The following ROBO2 variants were observed in gnomAD, a reference collection of about 807,000 sequenced individuals.
ROBO2 encodes the protein roundabout homolog 2.
In ROBO2, 53 loss-of-function variants were observed where a neutral mutation model predicts 160.8. The observed-to-expected ratio is 0.33, with a 90% CI of 0.26 to 0.41. ROBO2 has a LOEUF of 0.41. Ranked by LOEUF, ROBO2 falls within the 10% of genes least tolerant of loss-of-function variation. The pLI is 1.00. For synonymous variants in ROBO2, 664 were observed against 611.7 expected, an observed-to-expected ratio of 1.09 and a Z score of -1.26; for missense variants, 1,577 against 1,722.4, an observed-to-expected ratio of 0.92 and a Z score of 1.49.
chr3:76,701,617 C>T (rs1329971097), intron 2 of ROBO2, among the ~76,000 whole-genome samples: 6 of 151,932 alleles, frequency 3.9e-5, no homozygotes, highest in Non-Finnish European at 8.8e-5. Context: ...ATTTCATTGT[C>T]CATTTTCTGT....
chr3:76,593,109 C>T (rs1021320651), intron 2 of ROBO2, among the ~76,000 whole-genome samples: 1 of 152,014 alleles, frequency 6.6e-6, no homozygotes, highest in African/African-American at 2.4e-5. Flanking sequence ...GTGAAACTAC[C>T]ATGTACCATT....
intron 2 of ROBO2, among the ~76,000 whole-genome samples, chr3:76,395,005 C>A (rs992640726): frequency 2.6e-5 from 4 of 152,164 alleles, no homozygotes; most frequent in African/African-American, 9.7e-5. Context: ...CTCTCCACCC[C>A]AAATCAACAG....
intron 2 of ROBO2, among the ~76,000 whole-genome samples, chr3:76,429,754 A>G (rs1435751305): frequency 6.6e-6 from 1 of 152,148 alleles, no homozygotes; most frequent in Non-Finnish European, 1.5e-5. Context: ...AGTAAATATG[A>G]CTATAAATCA....
At chr3:77,132,387 T>G (rs919395707) in intron 2 of ROBO2, among the ~76,000 whole-genome samples, 8 of 67,032 alleles carry the variant, frequency 1.2e-4, no homozygotes, top group Non-Finnish European at 3.0e-4. Flanking sequence ...TTAATATGGG[T>G]TTTTTTTGGT....
intron 2 of ROBO2, among the ~76,000 whole-genome samples, chr3:76,457,209 T>A (rs180866397): frequency 6.6e-6 from 1 of 152,272 alleles, no homozygotes; most frequent in East Asian, 1.9e-4. Context: ...CCCTTCTGCC[T>A]ATGAGCCTGT....
intron 2 of ROBO2, among the ~76,000 whole-genome samples, chr3:76,726,810 G>A (rs372430867): frequency 1.7e-4 from 26 of 152,136 alleles, no homozygotes; most frequent in African/African-American, 6.0e-4. Flanking sequence ...AAGGAATGAA[G>A]GAATGAATTC....
At chr3:76,266,654 A>G (rs958083288) in intron 2 of ROBO2, among the ~76,000 whole-genome samples, 1 of 152,108 alleles carries the variant, frequency 6.6e-6, no homozygotes, top group African/African-American at 2.4e-5. Context: ...TCTGAAAGAA[A>G]CGAAGCACAA....
At chr3:76,836,900 G>T (rs1402071841) in intron 2 of ROBO2, among the ~76,000 whole-genome samples, 1 of 151,654 alleles carries the variant, frequency 6.6e-6, no homozygotes, top group Non-Finnish European at 1.5e-5. Context: ...AGGTCGATTT[G>T]GTTGATGACG....
rs572802860 is a variant in ROBO2 at position 77,315,728 on chromosome 3, A to G, written c.389-161686A>G. Among the ~76,000 whole-genome samples the G allele has an allele frequency of 8.5e-5, 13 of 152,308 alleles. No homozygotes were observed. The South Asian group carries it at 1.9e-3, about 22-fold the overall frequency. ...GCTACATGGATGGCAAGGTTTGCAC[A>G]GCGTCTTATTTTTAGAATAATAAGA... On this transcript the variant is annotated intron_variant, in intron 2 of 25. Coordinates refer to ENST00000461745, the Ensembl canonical transcript of ROBO2.
At chr3:77,241,304 C>T (rs1006362820) in intron 2 of ROBO2, among the ~76,000 whole-genome samples, 3 of 152,170 alleles carry the variant, frequency 2.0e-5, no homozygotes, top group African/African-American at 7.2e-5. Context: ...ACAACACCCT[C>T]TAGTCCAATG....
At chr3:76,054,659 A>G (rs897739808) in intron 2 of ROBO2, among the ~76,000 whole-genome samples, 7 of 152,224 alleles carry the variant, frequency 4.6e-5, no homozygotes, top group African/African-American at 1.2e-4. Flanking sequence ...TTTGGATTAC[A>G]TATTATATTA....
At chr3:77,510,974 A>T (rs1012177693) in intron 5 of ROBO2, among the ~76,000 whole-genome samples, 2 of 152,048 alleles carry the variant, frequency 1.3e-5, no homozygotes, top group Non-Finnish European at 2.9e-5. Context: ...AGAAAGACAG[A>T]TAAGAAGGAC....
chr3:76,347,285 C>A (rs1190396824), intron 2 of ROBO2, among the ~76,000 whole-genome samples: 2 of 151,982 alleles, frequency 1.3e-5, no homozygotes, highest in Non-Finnish European at 2.9e-5. Flanking sequence ...TACAAAAGAA[C>A]AAACAGCCAA....
chr3:76,659,625 TA>T (rs1224624313), intron 2 of ROBO2, among the ~76,000 whole-genome samples: 3 of 152,116 alleles, frequency 2.0e-5, no homozygotes, highest in African/African-American at 7.2e-5. Context: ...ATAGATGTTT[TA>T]AAAGGAAGCC....
intron 2 of ROBO2, among the ~76,000 whole-genome samples, chr3:76,177,385 T>G (rs889053791): frequency 2.0e-5 from 3 of 152,202 alleles, no homozygotes; most frequent in Non-Finnish European, 4.4e-5. Context: ...TATTCAAACT[T>G]ATACTCACTT....
At chr3:77,099,075 T>C (rs1345178622) in intron 2 of ROBO2, among the ~76,000 whole-genome samples, 26 of 126,932 alleles carry the variant, frequency 2.0e-4, no homozygotes, top group African/African-American at 5.6e-4. Flanking sequence ...TTCTTTCTTT[T>C]TTTTTTTTTT....
chr3:75,907,071 A>T (rs1215730720), intron 1 of ROBO2: 1 of 152,132 alleles, frequency 6.6e-6, no homozygotes, highest in Non-Finnish European at 1.5e-5. Context: ...AAATTCACGG[A>T]AGGTCTTGGC....
At chr3:76,526,386 T>C (rs1412429755) in intron 2 of ROBO2, among the ~76,000 whole-genome samples, 1 of 152,068 alleles carries the variant, frequency 6.6e-6, no homozygotes, top group Non-Finnish European at 1.5e-5. Flanking sequence ...ATGTTTCATT[T>C]ACAAGATATT....
intron 2 of ROBO2, among the ~76,000 whole-genome samples, chr3:76,123,579 T>C (rs1253035738): frequency 6.6e-6 from 1 of 152,166 alleles, no homozygotes; most frequent in Non-Finnish European, 1.5e-5. Flanking sequence ...AATTATTTAT[T>C]TTGCTGGTTT....
Sources: allele counts gnomAD v4.1 joint callset (sites outside exome capture counted in the v4.1 genomes callset), GRCh38; gene constraint gnomAD v4.1.1; transcripts MANE v1.5; gene names NCBI Gene and HGNC (gene_info 2026-07-23, HGNC 2026-07-21).